The following COX10 variants were observed in gnomAD, a reference collection of about 807,000 sequenced individuals.
COX10 encodes protoheme IX farnesyltransferase, mitochondrial.
In COX10, 27 loss-of-function variants were observed where a neutral mutation model predicts 37.3. The observed-to-expected ratio is 0.72, with a 90% CI of 0.53 to 1.00. COX10 has a LOEUF of 1.00. Among genes scored for constraint, COX10 ranks in the 50% least tolerant of loss-of-function variants. The pLI is 0.00. For missense variants in COX10, 475 were observed against 563.2 expected, an observed-to-expected ratio of 0.84 and a Z score of 1.59; for synonymous variants, 222 against 229.1, an observed-to-expected ratio of 0.97 and a Z score of 0.28.
chr17:14,160,044 G>A (rs1004678613), intron 5 of COX10, 97 bp downstream of exon 5: 2 of 1,090,500 alleles, frequency 1.8e-6, no homozygotes, highest in Non-Finnish European at 2.7e-6. Context: ...GCTGCGAAGT[G>A]GAAATAAAAT....
chr17:14,163,248 T>G (rs965388350), intron 5 of COX10, among the ~76,000 whole-genome samples: 2 of 150,958 alleles, frequency 1.3e-5, no homozygotes, highest in Non-Finnish European at 3.0e-5. Flanking sequence ...TTTATTTATT[T>G]ATTTATTTAT....
At chr17:14,148,361 T>G (rs1207786724) in intron 4 of COX10, among the ~76,000 whole-genome samples, 1 of 152,176 alleles carries the variant, frequency 6.6e-6, no homozygotes, top group Non-Finnish European at 1.5e-5. Flanking sequence ...CTTTACTGAT[T>G]TGTAAGCTGA....
At chr17:14,144,683 T>G (rs1447543819) in intron 4 of COX10, among the ~76,000 whole-genome samples, 2 of 152,212 alleles carry the variant, frequency 1.3e-5, no homozygotes, top group Non-Finnish European at 2.9e-5. Context: ...TTGGCAGCTG[T>G]TAGAGTAGAA....
intron 4 of COX10, among the ~76,000 whole-genome samples, chr17:14,122,306 C>T (rs904896269): frequency 1.3e-5 from 2 of 152,100 alleles, no homozygotes; most frequent in African/African-American, 2.4e-5. Context: ...ACTTTGTGAT[C>T]AGGGTCCTTA....
At chr17:14,139,145 A>T (rs1324774353) in intron 4 of COX10, among the ~76,000 whole-genome samples, 1 of 152,204 alleles carries the variant, frequency 6.6e-6, no homozygotes, top group Non-Finnish European at 1.5e-5. Context: ...AACTAATGGT[A>T]GTAAATTGTT....
chr17:14,204,263 G>A (rs1042703065), intron 6 of COX10, among the ~76,000 whole-genome samples: 5 of 151,908 alleles, frequency 3.3e-5, no homozygotes, highest in African/African-American at 1.2e-4. Context: ...TATCACAGAC[G>A]ACACCCACAC....
intron 5 of COX10, among the ~76,000 whole-genome samples, chr17:14,165,626 G>T (rs1427894212): frequency 2.0e-5 from 3 of 152,158 alleles, no homozygotes; most frequent in Admixed American, 6.5e-5. Context: ...CCTTGTGTGT[G>T]CAAGTGAAAG....
intron 4 of COX10, among the ~76,000 whole-genome samples, chr17:14,157,546 G>T (rs773292392): frequency 6.6e-6 from 1 of 152,202 alleles, no homozygotes; most frequent in South Asian, 2.1e-4. Context: ...ATCTCTATGG[G>T]ATTGGTTTTA....
At chr17:14,155,253 A>G (rs569690546) in intron 4 of COX10, among the ~76,000 whole-genome samples, 1 of 151,846 alleles carries the variant, frequency 6.6e-6, no homozygotes, top group East Asian at 1.9e-4. Flanking sequence ...GAATCTGGAG[A>G]GGCACTTTGA....
intron 3 of COX10, among the ~76,000 whole-genome samples, chr17:14,085,290 A>G (rs1448385955): frequency 6.6e-6 from 1 of 152,184 alleles, no homozygotes; most frequent in African/African-American, 2.4e-5. Flanking sequence ...ATTTTGTTTT[A>G]TAAAAATGGG....
chr17:14,124,309 G>A (rs892619685), intron 4 of COX10, among the ~76,000 whole-genome samples: 8 of 152,090 alleles, frequency 5.3e-5, no homozygotes, highest in African/African-American at 1.9e-4. Flanking sequence ...ACACTTTATT[G>A]CCATTTTATC....
At chr17:14,155,727 A>G (rs1905026314) in intron 4 of COX10, among the ~76,000 whole-genome samples, 1 of 126,600 alleles carries the variant, frequency 7.9e-6, no homozygotes, top group East Asian at 2.0e-4. Context: ...AAAAAAAAAG[A>G]AAAAAAAAGA....
chr17:14,107,854 A>G (rs940468276), intron 4 of COX10, among the ~76,000 whole-genome samples: 8 of 152,172 alleles, frequency 5.3e-5, no homozygotes, highest in African/African-American at 1.7e-4. Context: ...CACTGGCTCT[A>G]TAAGTGGACA....
intron 4 of COX10, among the ~76,000 whole-genome samples, chr17:14,156,558 G>A (rs1905044563): frequency 6.6e-6 from 1 of 152,056 alleles, no homozygotes; most frequent in South Asian, 2.1e-4. Flanking sequence ...AATTTCTCTA[G>A]CTACAAGACT....
intron 3 of COX10, among the ~76,000 whole-genome samples, chr17:14,088,357 T>C (rs1162127107): frequency 6.6e-6 from 1 of 152,192 alleles, no homozygotes; most frequent in East Asian, 1.9e-4. Context: ...TTTTCTTCAA[T>C]TTTCATTTTT....
At chr17:14,203,409 T>C (rs566853500) in intron 6 of COX10, among the ~76,000 whole-genome samples, 112 of 152,200 alleles carry the variant, frequency 7.4e-4, no homozygotes, top group African/African-American at 2.6e-3. Context: ...TATTCATGGA[T>C]ATAAAAGGAG....
chr17:14,095,068 G>A (rs1350064579), intron 3 of COX10, among the ~76,000 whole-genome samples: 1 of 152,158 alleles, frequency 6.6e-6, no homozygotes, highest in Non-Finnish European at 1.5e-5. Flanking sequence ...AGTATTTCAC[G>A]GAAGTTGATT....
At chr17:14,090,589 G>C (rs137953372) in intron 3 of COX10, among the ~76,000 whole-genome samples, 4 of 152,124 alleles carry the variant, frequency 2.6e-5, no homozygotes, top group African/African-American at 4.8e-5. Flanking sequence ...TCTGTAGATG[G>C]AGAGTGACTA....
chr17:14,100,842 C>T (rs1287284706), intron 3 of COX10, among the ~76,000 whole-genome samples: 3 of 152,006 alleles, frequency 2.0e-5, no homozygotes, highest in African/African-American at 7.3e-5. Context: ...ATGGCAATTG[C>T]TTGGACTATG....
Sources: gnomAD v4.1 joint callset for allele counts (sites outside exome capture counted in the v4.1 genomes callset) on GRCh38, gnomAD v4.1.1 for gene constraint, MANE v1.5 for transcripts, NCBI Gene and HGNC (gene_info 2026-07-23, HGNC 2026-07-21) for gene names.